The following PRKN variants were observed in gnomAD, a reference collection of about 807,000 sequenced individuals.
PRKN encodes the protein E3 ubiquitin-protein ligase parkin.
Under a neutral mutation model 59.5 loss-of-function variants are expected in PRKN, and 56 were observed. That is an observed-to-expected ratio of 0.94 (90% CI 0.76 to 1.18). The LOEUF is 1.18. Ranked by LOEUF, PRKN falls within the 50% of genes most tolerant of loss-of-function variation. The probability of loss-of-function intolerance (pLI) is 0.00; values close to 1 mark genes in which losing one functional copy is unlikely to be tolerated. For missense variants in PRKN, 657 were observed against 596.4 expected, an observed-to-expected ratio of 1.10 and a Z score of -1.06; for synonymous variants, 250 against 222.1, an observed-to-expected ratio of 1.13 and a Z score of -1.12.
intron 1 of PRKN, among the ~76,000 whole-genome samples, chr6:162,682,667 T>C (rs1324394427): frequency 6.6e-6 from 1 of 152,172 alleles, no homozygotes; most frequent in Non-Finnish European, 1.5e-5. Context: ...GTCCACTACC[T>C]GGGTCATGAA....
At position 162,516,929 on chromosome 6, in the gene PRKN, G is replaced by A. The variant is rs181081975; in HGVS notation, c.8-73456C>T. ...TGCTCAGATATACACTTGCCCTTGA[G>A]GAGTAAGCAAGGCAGTGACTATCTA... On this transcript the variant is annotated intron_variant, in intron 1 of 11. Transcript: ENST00000366898. 5.5e-3 allele frequency among the ~76,000 whole-genome samples: 836 copies of A among 152,148 alleles called. 2 individuals are homozygous for A. The highest frequency in any genetic ancestry group is 7.4e-3 in the Non-Finnish European group (500 of 68,002).
intron 1 of PRKN, among the ~76,000 whole-genome samples, chr6:162,530,891 T>C (rs1778482160): frequency 6.6e-6 from 1 of 151,760 alleles, no homozygotes; most frequent in Admixed American, 6.6e-5. Flanking sequence ...ACCCTGTCTC[T>C]ACTAAAATAC....
At chr6:162,031,538 CTT>C (rs57437847) in intron 5 of PRKN, among the ~76,000 whole-genome samples, 31 of 141,094 alleles carry the variant, frequency 2.2e-4, no homozygotes, top group Non-Finnish European at 2.2e-4. Flanking sequence ...TTTTCTTTTT[CTT>C]TTTTTTTTTT....
intron 2 of PRKN, among the ~76,000 whole-genome samples, chr6:162,278,656 C>G (rs1313765347): frequency 6.6e-6 from 1 of 152,078 alleles, no homozygotes; most frequent in Non-Finnish European, 1.5e-5. Context: ...TTGGGAGGAT[C>G]TTTGAATATG....
intron 1 of PRKN, among the ~76,000 whole-genome samples, chr6:162,533,146 A>G (rs944831593): frequency 6.6e-5 from 10 of 152,204 alleles, no homozygotes; most frequent in African/African-American, 2.4e-4. Flanking sequence ...GCAACAACAG[A>G]GGAAGGACAG....
At chr6:161,574,949 A>G (rs1781073260) in intron 7 of PRKN, among the ~76,000 whole-genome samples, 1 of 151,842 alleles carries the variant, frequency 6.6e-6, no homozygotes, top group Non-Finnish European at 1.5e-5. Flanking sequence ...CTTGTCCTGG[A>G]CTCCACTTTT....
At chr6:162,052,800 A>G (rs1777696671) in intron 5 of PRKN, among the ~76,000 whole-genome samples, 2 of 151,700 alleles carry the variant, frequency 1.3e-5, no homozygotes, top group Admixed American at 1.3e-4. Context: ...GCATAAACCC[A>G]TCGGTTTGTA....
In PRKN at chr6:161,989,892, C is replaced by G. The variant is rs192453565; in HGVS notation, c.619-16475G>C. ...GAGGACTGAGGATGGGCCCACTCAG[C>G]CGGCTGCCATCACCACTGCTGGCCA... On this transcript the variant is annotated intron_variant, in intron 5 of 11. Coordinates refer to ENST00000366898, the MANE Select transcript of PRKN (RefSeq NM_004562.3). Among the ~76,000 whole-genome samples, 1,009 of 152,230 alleles carry G rather than the reference C, an allele frequency of 6.6e-3. 11 individuals are homozygous for G. Among genetic ancestry groups the G allele is most frequent in the African/African-American group, 0.022 (929 of 41,526 alleles).
chr6:162,381,424 CCTCT>C (rs1421236171), intron 2 of PRKN, among the ~76,000 whole-genome samples: 3 of 152,208 alleles, frequency 2.0e-5, no homozygotes, highest in East Asian at 3.9e-4. Flanking sequence ...TTTACTTTTT[CCTCT>C]CTAAGTGATA....
chr6:162,093,666 T>C (rs1352975353), intron 4 of PRKN, among the ~76,000 whole-genome samples: 1 of 152,150 alleles, frequency 6.6e-6, no homozygotes, highest in Non-Finnish European at 1.5e-5. Context: ...CCCCTAAACA[T>C]TTATGTGAAG....
At position 161,454,022 on chromosome 6, in the gene PRKN, A is replaced by G. The variant is rs531796547; in HGVS notation, c.1084-67145T>C. 1.4e-4 allele frequency among the ~76,000 whole-genome samples: 22 copies of G among 152,234 alleles called. No individual in the cohort carries two copies. Among genetic ancestry groups the G allele is most frequent in the African/African-American group, 5.3e-4 (22 of 41,538 alleles). The stretch of plus-strand genomic sequence containing the variant: ...CAGAAGTGTTTTCTTGGTGTCTGCA[A>G]TGCAAATTCTGATGTCAGTAAATAC... On this transcript the variant is annotated intron_variant, in intron 9 of 11. Transcript: ENST00000366898. This position sits in a 1 kb window ranked among gnomAD's most constrained non-coding sequence, Gnocchi z 4.6.
At chr6:162,487,433 C>A (rs1349212749) in intron 1 of PRKN, among the ~76,000 whole-genome samples, 3 of 152,180 alleles carry the variant, frequency 2.0e-5, no homozygotes, top group African/African-American at 7.2e-5. Flanking sequence ...CCCAGGAGAG[C>A]CTGCACGCGT....
chr6:162,425,458 A>G (rs536747391), intron 2 of PRKN, among the ~76,000 whole-genome samples: 1 of 152,350 alleles, frequency 6.6e-6, no homozygotes, highest in East Asian at 1.9e-4. Flanking sequence ...ATATCATTAA[A>G]TTACTATTTT....
At chr6:162,612,062 G>A (rs112251832) in intron 1 of PRKN, among the ~76,000 whole-genome samples, 3,077 of 150,990 alleles carry the variant, frequency 0.02, 106 homozygotes, top group African/African-American at 0.069. Context: ...GCGTGGTGGC[G>A]GGCGCCTGTA....
intron 9 of PRKN, among the ~76,000 whole-genome samples, chr6:161,392,172 G>A (rs552122237): frequency 2.6e-4 from 39 of 151,868 alleles, no homozygotes; most frequent in African/African-American, 8.7e-4. Context: ...CCCTGACCTC[G>A]TGATCCGCCT....
intron 2 of PRKN, among the ~76,000 whole-genome samples, chr6:162,323,808 A>T (rs960023421): frequency 1.1e-4 from 17 of 152,162 alleles, no homozygotes; most frequent in African/African-American, 3.9e-4. Flanking sequence ...TTCTGGGAAC[A>T]TAAAATGGTA....
At position 162,328,923 on chromosome 6, in the gene PRKN, T is replaced by A. The variant is rs140728242; in HGVS notation, c.172-66158A>T. On this transcript the variant is annotated intron_variant, in intron 2 of 11. Coordinates refer to ENST00000366898, the MANE Select transcript of PRKN (RefSeq NM_004562.3). ...GAGTTTCTCTTCTTCTCTAGTTCAT[T>A]CCATGTTCTAAACACAACAAATCAC... 2.6e-3 allele frequency among the ~76,000 whole-genome samples: 402 copies of A among 152,236 alleles called. 2 individuals carry two copies. Among genetic ancestry groups the A allele is most frequent in the African/African-American group, 9.4e-3 (389 of 41,532 alleles).
intron 2 of PRKN, among the ~76,000 whole-genome samples, chr6:162,356,701 C>T (rs117843668): frequency 0.011 from 1,493 of 137,414 alleles, 13 homozygotes; most frequent in Non-Finnish European, 0.017. Flanking sequence ...TACCACCCGA[C>T]TTTAATGCTT....
chr6:161,554,674 C>T lies in PRKN; in HGVS notation c.934-5671G>A, dbSNP rs1780163546. ...TGGAATTATAGTTTCTTACAGTATA[C>T]ATATAAGGAATATACAATCCTGATA... is the stretch of plus-strand genomic sequence containing the variant. On this transcript the variant is annotated intron_variant, in intron 8 of 11. Coordinates refer to ENST00000366898, the MANE Select transcript of PRKN (RefSeq NM_004562.3). This position sits in a 1 kb window ranked among gnomAD's most constrained non-coding sequence, Gnocchi z 4.5. Among the ~76,000 whole-genome samples, 2 of 150,376 alleles carry T rather than the reference C, an allele frequency of 1.3e-5. No individual in the cohort carries two copies. The highest frequency in any genetic ancestry group is 3.9e-4 in the East Asian group (2 of 5,110).
Sources: gnomAD v4.1 joint callset for allele counts (sites outside exome capture counted in the v4.1 genomes callset) on GRCh38, gnomAD v4.1.1 for gene constraint, Gnocchi (gnomAD v3.1) non-coding constraint, MANE v1.5 for transcripts, NCBI Gene and HGNC (gene_info 2026-07-23, HGNC 2026-07-21) for gene names.